MAST4: variants seen among roughly 807,000 people sequenced by gnomAD.
MAST4 encodes the protein microtubule associated serine/threonine kinase family member 4, also known as microtubule-associated serine/threonine-protein kinase 4.
A neutral mutation model predicts 162.7 loss-of-function variants in MAST4; 89 were observed. That is an observed-to-expected ratio of 0.55 (90% CI 0.46 to 0.65). The LOEUF (loss-of-function observed/expected upper bound fraction) is 0.65, where lower values mean the gene tolerates loss of function less well. Ranked by LOEUF, MAST4 falls within the 30% of genes least tolerant of loss-of-function variation. The pLI is 0.00. For missense variants in MAST4, 3,153 were observed against 3,374.0 expected (o/e 0.93, Z 1.62); for synonymous variants, 1,479 against 1,361.1 (o/e 1.09, Z -1.91).
At chr5:66,761,216 G>A (rs758018005) in intron 2 of MAST4, among the ~76,000 whole-genome samples, 1 of 152,124 alleles carries the variant, frequency 6.6e-6, no homozygotes, top group Admixed American at 6.6e-5. Context: ...TTTGTGTCTC[G>A]TGAAGTATTG....
intron 1 of MAST4, among the ~76,000 whole-genome samples, chr5:66,605,213 G>A (rs900185038): frequency 6.6e-6 from 1 of 152,168 alleles, no homozygotes; most frequent in Non-Finnish European, 1.5e-5. Flanking sequence ...TTGAAGAGTG[G>A]CTCTGAGGAT....
At chr5:66,994,549 G>A (rs1393985757) in intron 4 of MAST4, among the ~76,000 whole-genome samples, 2 of 152,192 alleles carry the variant, frequency 1.3e-5, no homozygotes, top group Admixed American at 1.3e-4. Context: ...ATTAACTGGA[G>A]TAACTTCTCT....
chr5:66,959,859 C>G (rs1310230117), intron 4 of MAST4, among the ~76,000 whole-genome samples: 6 of 148,074 alleles, frequency 4.1e-5, no homozygotes, highest in Admixed American at 4.0e-4. Flanking sequence ...GTTTGCTTAG[C>G]TGTTTTTTTT....
At chr5:67,066,120 G>A (rs2150626960) in intron 5 of MAST4, among the ~76,000 whole-genome samples, 1 of 151,804 alleles carries the variant, frequency 6.6e-6, no homozygotes, top group Admixed American at 6.6e-5. Flanking sequence ...AATTTTGCTT[G>A]AAAAAAATCT....
At chr5:66,694,247 GC>G (rs763253374) in intron 1 of MAST4, among the ~76,000 whole-genome samples, 4 of 152,142 alleles carry the variant, frequency 2.6e-5, no homozygotes, top group African/African-American at 4.8e-5. Flanking sequence ...GAGGTATGAG[GC>G]TGTCTGGGAA....
At chr5:66,721,687 G>C (rs545951658) in intron 1 of MAST4, among the ~76,000 whole-genome samples, 2 of 150,108 alleles carry the variant, frequency 1.3e-5, no homozygotes, top group South Asian at 4.3e-4. Context: ...GATCTCTCAC[G>C]AACTCCAGAT....
rs565434858 is a variant in MAST4 at position 66,759,735 on chromosome 5, C to T, written c.390C>T (p.Pro130=). 1.5e-4 allele frequency: 241 copies of T among 1,613,982 alleles called. No homozygotes were observed. The East Asian group carries it at 5.1e-3, about 34-fold the overall frequency. ...TTGACCACATATTATCCCCTCCACC[C>T]ATGCCGTTTCGGAAATGCAGCAACC... The part of the protein sequence containing the change: ...EELDHILSPP[P]MPFRKCSNPD... Residue 130 remains proline, a synonymous_variant, in exon 2 of 29, where the codon CCC becomes CCT. Coordinates refer to ENST00000403625, the MANE Select transcript of MAST4 (RefSeq NM_001164664.2).
At chr5:66,924,518 T>C (rs1024438513) in intron 4 of MAST4, among the ~76,000 whole-genome samples, 6 of 151,968 alleles carry the variant, frequency 3.9e-5, no homozygotes, top group South Asian at 2.1e-4. Flanking sequence ...CTCAGCCTCC[T>C]GAGTAGCTGG....
At chr5:67,104,661 A>C in intron 10 of MAST4, 86 bp downstream of exon 10, 2 of 1,008,382 alleles carry the variant, frequency 2.0e-6, no homozygotes, top group South Asian at 3.1e-5. Flanking sequence ...TATAACCATG[A>C]AATGGAGTTC....
chr5:67,058,657 A>G (rs540393695), intron 5 of MAST4, among the ~76,000 whole-genome samples: 1 of 152,338 alleles, frequency 6.6e-6, no homozygotes, highest in East Asian at 1.9e-4. Flanking sequence ...TGTTAGGTGA[A>G]AACATTGCAT....
At chr5:66,631,145 C>T (rs1744766575) in intron 1 of MAST4, among the ~76,000 whole-genome samples, 1 of 152,014 alleles carries the variant, frequency 6.6e-6, no homozygotes, top group Non-Finnish European at 1.5e-5. Flanking sequence ...GTATTGTGGG[C>T]TAGTTAGAAT....
intron 12 of MAST4, among the ~76,000 whole-genome samples, chr5:67,115,866 T>A (rs1766839129): frequency 1.3e-5 from 2 of 152,084 alleles, no homozygotes; most frequent in African/African-American, 4.8e-5. Flanking sequence ...AACAGAACCA[T>A]CTTTTAATTT....
chr5:66,730,565 G>A (rs896250350), intron 1 of MAST4, among the ~76,000 whole-genome samples: 15 of 152,158 alleles, frequency 9.9e-5, no homozygotes, highest in Admixed American at 6.5e-4. Flanking sequence ...TGCTGATGAC[G>A]GATTGCCGAT....
chr5:66,596,814 G>GC lies in MAST4; in HGVS notation c.162dup (p.Gly55ArgfsTer69), dbSNP rs1386714093. 7.6e-7 allele frequency: 1 copy of GC among 1,319,258 alleles called. No homozygotes were observed. Among genetic ancestry groups the GC allele is most frequent in the Non-Finnish European group, 9.7e-7 (1 of 1,032,354 alleles). 81.7% of individuals were successfully genotyped at this position (1,319,258 alleles called of 1,614,324 possible). A position where few individuals can be genotyped will look rare whatever the true frequency, so the allele number is the denominator to read the frequency against. The stretch of plus-strand genomic sequence containing the variant: ...CAGAAACTCTGTCGGAGGAAGGGGA[G>GC]CCCGGCGGCTTCTCCAGAGAGCATC... On this transcript the variant is annotated frameshift_variant, in exon 1 of 29. Transcript: ENST00000403625. LOFTEE classifies it high-confidence loss of function.
chr5:67,166,302 A>G lies in MAST4; in HGVS notation c.7123A>G (p.Thr2375Ala). ...TDRRAEGKKC[T>A]EALYAPAEGD... ...CAGAAGGGCGGAAGGGAAGAAATGCACTGAAGCACTTTATGCTCCAGCAGA... is the reference window on the plus strand; with the variant it reads ...CAGAAGGGCGGAAGGGAAGAAATGCGCTGAAGCACTTTATGCTCCAGCAGA... Residue 2375 changes from threonine to alanine, a missense_variant, in exon 29 of 29, where the codon ACT (threonine) becomes GCT (alanine). Around this residue, in one of 7 missense-constraint regions of MAST4, gnomAD observed 1,644 missense variants for 1,495.0 expected, o/e 1.10. Coordinates refer to ENST00000403625, the MANE Select transcript of MAST4 (RefSeq NM_001164664.2). The G allele has an allele frequency of 6.4e-7, 1 of 1,571,454 alleles. No individual in the cohort carries two copies.
In MAST4 at chr5:66,759,870, G is replaced by C. The variant is rs766120611; in HGVS notation, c.517+8G>C. ...TGGGAGGAGCCCTGACTGGTGAGTC[G>C]CAGCGGCTTGGATGAGAGAAGGAAT... On this transcript the variant is annotated splice_region_variant and intron_variant, in intron 2 of 28. Coordinates refer to ENST00000403625, the MANE Select transcript of MAST4 (RefSeq NM_001164664.2). 6.2e-7 allele frequency: 1 copy of C among 1,613,448 alleles called. No homozygotes were observed.
At chr5:67,109,849 T>A (rs940087962) in intron 10 of MAST4, among the ~76,000 whole-genome samples, 1 of 152,166 alleles carries the variant, frequency 6.6e-6, no homozygotes, top group African/African-American at 2.4e-5. Context: ...GCCCTTTGAT[T>A]TTTAGCACAG....
At chr5:66,784,657 C>G (rs1379728019) in intron 2 of MAST4, among the ~76,000 whole-genome samples, 1 of 152,060 alleles carries the variant, frequency 6.6e-6, no homozygotes, top group South Asian at 2.1e-4. Flanking sequence ...CAATATTATT[C>G]TTTTGTGTGT....
intron 1 of MAST4, among the ~76,000 whole-genome samples, chr5:66,605,419 C>T (rs1490625762): frequency 1.3e-5 from 2 of 152,170 alleles, no homozygotes; most frequent in African/African-American, 2.4e-5. Flanking sequence ...TAAGTAGAAG[C>T]GCCCTGTTAA....
Sources: allele counts gnomAD v4.1 joint callset (sites outside exome capture counted in the v4.1 genomes callset), GRCh38; gene constraint gnomAD v4.1.1; regional missense constraint gnomAD v4.1.1; transcripts MANE v1.5; gene names NCBI Gene and HGNC (gene_info 2026-07-23, HGNC 2026-07-21).